The following KLB variants were observed in gnomAD, a reference collection of about 807,000 sequenced individuals.
The protein encoded by KLB is beta-klotho.
Under a neutral mutation model 88.4 loss-of-function variants are expected in KLB, and 44 were observed. The ratio of observed to expected loss-of-function variants is 0.50; its 90% CI spans 0.39 to 0.64. The LOEUF is 0.64. KLB is among the 30% of genes least tolerant of loss of function. The pLI is 0.00. For missense variants in KLB, 1,137 were observed against 1,304.8 expected (o/e 0.87, Z 1.98); for synonymous variants, 548 against 513.4 (o/e 1.07, Z -0.91).
chr4:39,427,253 C>G (rs1259682157), intron 1 of KLB, among the ~76,000 whole-genome samples: 1 of 152,106 alleles, frequency 6.6e-6, no homozygotes. Context: ...GAGGCCAAGG[C>G]AGGCAGATTG....
chr4:39,422,747 T>G (rs900964956), intron 1 of KLB, among the ~76,000 whole-genome samples: 3 of 150,054 alleles, frequency 2.0e-5, no homozygotes, highest in African/African-American at 7.3e-5. Flanking sequence ...GACAAGGATC[T>G]CTGTCCTTTC....
At chr4:39,415,190 G>A (rs1445787572) in intron 1 of KLB, among the ~76,000 whole-genome samples, 1 of 152,166 alleles carries the variant, frequency 6.6e-6, no homozygotes, top group Non-Finnish European at 1.5e-5. Flanking sequence ...TGAGATTACA[G>A]GCGTGAGCCA....
rs1400556291 is a variant in KLB at position 39,407,475 on chromosome 4, A to C, written c.526A>C (p.Ser176Arg). 6.2e-7 allele frequency: 1 copy of C among 1,614,102 alleles called. No individual in the cohort carries two copies. The highest frequency in any genetic ancestry group is 8.5e-7 in the Non-Finnish European group (1 of 1,180,032). Reference sequence around the variant, plus strand: ...CAACGCAAAAGGTCTGCAGTACTACAGTACTCTTCTGGACGCTCTAGTGCT... The same window carrying C: ...CAACGCAAAAGGTCTGCAGTACTACCGTACTCTTCTGGACGCTCTAGTGCT... ...VANAKGLQYY[S>R]TLLDALVLRN... The change falls in exon 1 of 5, where the codon AGT becomes CGT. Residue 176 changes from serine (S) to arginine (R), a missense_variant. Around this residue, in one of 4 missense-constraint regions of KLB, gnomAD observed 597 missense variants for 765.2 expected, o/e 0.78. Coordinates refer to ENST00000257408, the MANE Select transcript of KLB (RefSeq NM_175737.4).
Position 39,450,331 on chromosome 4 carries a change from A to G in KLB, c.*1645A>G, listed in dbSNP as rs1743862932. On this transcript the variant is annotated 3_prime_UTR_variant, in exon 5 of 5. Transcript: ENST00000257408. ...ATTTAGACCTTAACAGTCACAAGAG[A>G]CGTTCTTCTGTTACAAAGCCTTAGT... 6.6e-6 allele frequency: 1 copy of G among 152,204 alleles called. No individual in the cohort carries two copies. Among genetic ancestry groups the G allele is most frequent in the Non-Finnish European group, 1.5e-5 (1 of 68,030 alleles). 9.4% of individuals were successfully genotyped at this position (152,204 alleles called of 1,614,324 possible).
chr4:39,447,086 G>T lies in KLB; in HGVS notation c.2360G>T (p.Arg787Met). ...FKTGDYPAAM[R>M]EYIASKHRRG... ...ACCGGGGACTACCCCGCGGCCATGA[G>T]GGAATACATTGCCTCCAAGCACCGA... Residue 787 changes from arginine to methionine, a missense_variant, in exon 4 of 5, where the codon AGG (arginine) becomes ATG (methionine). By Grantham distance (91) the Arg-to-Met change is moderately conservative (BLOSUM62 -1). Around this residue, in one of 4 missense-constraint regions of KLB, gnomAD observed 426 missense variants for 404.6 expected, o/e 1.05. Transcript: ENST00000257408. 6.2e-7 allele frequency: 1 copy of T among 1,613,228 alleles called. No individual in the cohort carries two copies. Among genetic ancestry groups the T allele is most frequent in the South Asian group, 1.1e-5 (1 of 91,074 alleles).
At chr4:39,416,966 C>T (rs953281649) in intron 1 of KLB, among the ~76,000 whole-genome samples, 2 of 151,928 alleles carry the variant, frequency 1.3e-5, no homozygotes, top group Admixed American at 6.6e-5. Context: ...TGCCCAAATC[C>T]CCCACCAATG....
chr4:39,450,667 T>C lies in KLB; in HGVS notation c.*1981T>C, dbSNP rs554011354. On this transcript the variant is annotated 3_prime_UTR_variant, in exon 5 of 5. Coordinates refer to ENST00000257408, the MANE Select transcript of KLB (RefSeq NM_175737.4). ...CCCTCTGAGAACTATGTACCTAAGG[T>C]CACGCATACAACTAGTCAATTCTGT... 6.6e-6 allele frequency: 1 copy of C among 152,254 alleles called. No homozygotes were observed. Among genetic ancestry groups the C allele is most frequent in the Admixed American group, 6.5e-5 (1 of 15,298 alleles). 9.4% of individuals were successfully genotyped at this position (152,254 alleles called of 1,614,324 possible).
At position 39,407,517 on chromosome 4, in the gene KLB, A is replaced by G. The variant is rs1323183183; in HGVS notation, c.568A>G (p.Ile190Val). The G allele has an allele frequency of 6.2e-7, 1 of 1,614,138 alleles. No individual in the cohort carries two copies. The highest frequency in any genetic ancestry group is 2.2e-5 in the East Asian group (1 of 44,892). Residue 190 changes from isoleucine to valine, a missense_variant, in exon 1 of 5, where the codon ATA becomes GTA. Ile to Val is a conservative substitution (Grantham distance 29, BLOSUM62 3). This residue lies in a region of KLB where 597 missense variants were observed against 765.2 expected (regional missense o/e 0.78). Transcript: ENST00000257408. ...TCTAGTGCTTAGAAACATTGAACCT[A>G]TAGTTACTTTATACCACTGGGATTT... is the stretch of plus-strand genomic sequence containing the variant. ...DALVLRNIEP[I>V]VTLYHWDLPL...
intron 2 of KLB, among the ~76,000 whole-genome samples, chr4:39,436,159 A>G (rs1324292630): frequency 5.9e-5 from 9 of 152,144 alleles, no homozygotes; most frequent in Admixed American, 3.3e-4. Flanking sequence ...GTTGGGCTCT[A>G]TTTCACTCTC....
chr4:39,448,778 C>T lies in KLB; in HGVS notation c.*92C>T, dbSNP rs1458002014. The stretch of plus-strand genomic sequence containing the variant: ...GAGATATACCTGTATTATAGAAAGA[C>T]AATCTGAGATACAGCTGTAACCAAG... On this transcript the variant is annotated 3_prime_UTR_variant, in exon 5 of 5. Transcript: ENST00000257408. 4.9e-6 allele frequency: 6 copies of T among 1,229,742 alleles called. No homozygotes were observed. In the East Asian group the frequency reaches 9.3e-5, roughly 19 times the overall value. The allele number at this position is 1,229,742 out of a possible 1,614,324, so 76.2% of individuals were successfully genotyped here.
chr4:39,421,579 G>A (rs975486265), intron 1 of KLB, among the ~76,000 whole-genome samples: 1 of 152,060 alleles, frequency 6.6e-6, no homozygotes, highest in East Asian at 1.9e-4. Context: ...GCAAGACCCC[G>A]TCTCTACTAA....
At chr4:39,411,801 C>T (rs2109818753) in intron 1 of KLB, 1 of 152,142 alleles carries the variant, frequency 6.6e-6, no homozygotes, top group South Asian at 2.1e-4. Context: ...ACCTGGGCAA[C>T]ATAGCAAGAC....
intron 1 of KLB, among the ~76,000 whole-genome samples, chr4:39,428,591 T>G (rs1303503892): frequency 1.3e-5 from 2 of 152,122 alleles, no homozygotes; most frequent in African/African-American, 4.8e-5. Flanking sequence ...AAAATAAATT[T>G]TTATCAAAAG....
At chr4:39,441,981 C>T (rs562165473) in intron 3 of KLB, among the ~76,000 whole-genome samples, 116 of 152,280 alleles carry the variant, frequency 7.6e-4, no homozygotes, top group African/African-American at 2.7e-3. Flanking sequence ...GTGACTAACT[C>T]CTGTAATCCC....
At chr4:39,421,577 C>G (rs1033581257) in intron 1 of KLB, among the ~76,000 whole-genome samples, 14 of 152,146 alleles carry the variant, frequency 9.2e-5, no homozygotes, top group Non-Finnish European at 2.1e-4. Context: ...CGGCAAGACC[C>G]CGTCTCTACT....
rs956605108 is a variant in KLB, at chr4:39,436,715, T to G, written c.1337-1012T>G. Among the ~76,000 whole-genome samples the G allele has an allele frequency of 1.1e-4, 17 of 152,000 alleles. No individual in the cohort carries two copies. In the East Asian group the frequency reaches 2.9e-3, roughly 26 times the overall value. The stretch of plus-strand genomic sequence containing the variant: ...GTTGATTTTCTTTTCTCTTTTTTGT[T>G]TTTTTTTCCCTGAGATGGAGTTTTG... On this transcript the variant is annotated intron_variant, in intron 2 of 4. Transcript: ENST00000257408.
intron 2 of KLB, among the ~76,000 whole-genome samples, chr4:39,434,970 C>T (rs990266210): frequency 9.2e-5 from 14 of 151,674 alleles, no homozygotes; most frequent in African/African-American, 3.2e-4. Flanking sequence ...CCACGCCCAG[C>T]TAATTTTTGT....
At chr4:39,414,457 C>T (rs1184363533) in intron 1 of KLB, among the ~76,000 whole-genome samples, 2 of 151,934 alleles carry the variant, frequency 1.3e-5, no homozygotes, top group Non-Finnish European at 2.9e-5. Flanking sequence ...AAAGAGCTGC[C>T]CCAAACCATT....
chr4:39,448,793 C>A lies in KLB; in HGVS notation c.*107C>A. The A allele has an allele frequency of 1.8e-6, 2 of 1,087,344 alleles. No individual in the cohort carries two copies. The highest frequency in any genetic ancestry group is 1.3e-6 in the Non-Finnish European group (1 of 759,418). 67.4% of individuals were successfully genotyped at this position (1,087,344 alleles called of 1,614,324 possible). A position where few individuals can be genotyped will look rare whatever the true frequency, so the allele number is the denominator to read the frequency against. ...TATAGAAAGACAATCTGAGATACAG[C>A]TGTAACCAAGGTGATGACAATTGTC... is the stretch of plus-strand genomic sequence containing the variant. On this transcript the variant is annotated 3_prime_UTR_variant, in exon 5 of 5. Coordinates refer to ENST00000257408, the MANE Select transcript of KLB (RefSeq NM_175737.4).
Sources: allele counts gnomAD v4.1 joint callset (sites outside exome capture counted in the v4.1 genomes callset), GRCh38; gene constraint gnomAD v4.1.1; regional missense constraint gnomAD v4.1.1; transcripts MANE v1.5; gene names NCBI Gene and HGNC (gene_info 2026-07-23, HGNC 2026-07-21).